The following RARB variants were observed in gnomAD, a reference collection of about 807,000 sequenced individuals.
The protein encoded by RARB is HBV-activated protein.
A neutral mutation model predicts 51.9 loss-of-function variants in RARB; 17 were observed. That is an observed-to-expected ratio of 0.33 (90% CI 0.22 to 0.49). The LOEUF is 0.49. RARB is among the 20% of genes least tolerant of loss of function. The pLI is 0.99. For missense variants in RARB, 369 were observed against 550.8 expected, an observed-to-expected ratio of 0.67 and a Z score of 3.30; for synonymous variants, 215 against 195.4, an observed-to-expected ratio of 1.10 and a Z score of -0.84.
intron 2 of RARB, among the ~76,000 whole-genome samples, chr3:24,981,265 C>CT (rs936477618): frequency 3.9e-5 from 6 of 152,346 alleles, no homozygotes; most frequent in African/African-American, 1.4e-4. Flanking sequence ...CTTCATGGAT[C>CT]TTGAACGCCA....
At chr3:24,923,744 C>T (rs778751477) in intron 2 of RARB, among the ~76,000 whole-genome samples, 10 of 152,068 alleles carry the variant, frequency 6.6e-5, no homozygotes, top group Admixed American at 4.6e-4. Context: ...CATAAACGGG[C>T]CTGAGCAAAC....
chr3:25,476,021 G>A (rs1310751923), intron 2 of RARB, among the ~76,000 whole-genome samples: 2 of 152,174 alleles, frequency 1.3e-5, no homozygotes, highest in Non-Finnish European at 2.9e-5. Context: ...GACTGATGGA[G>A]TCACCTCCAT....
intron 2 of RARB, among the ~76,000 whole-genome samples, chr3:24,929,051 T>C (rs1390451610): frequency 6.6e-6 from 1 of 152,058 alleles, no homozygotes; most frequent in African/African-American, 2.4e-5. Flanking sequence ...TTTAAAAAGC[T>C]TTAGAAAAGA....
rs1575221387 is a variant in RARB at position 25,208,663 on chromosome 3, C to G, written c.178+34088C>G. Among the ~76,000 whole-genome samples the G allele has an allele frequency of 2.0e-5, 3 of 152,238 alleles. No homozygotes were observed. The South Asian group carries it at 6.2e-4, about 32-fold the overall frequency. On this transcript the variant is annotated intron_variant, in intron 5 of 11. Transcript: ENST00000383772. ...ACTGCACCATACATTTGGCCCAGCC[C>G]TCTGACCTGACAATGCTGTCTCCTT... is the stretch of plus-strand genomic sequence containing the variant.
At chr3:25,171,431 G>T (rs1324581949) in intron 4 of RARB, among the ~76,000 whole-genome samples, 1 of 112,178 alleles carries the variant, frequency 8.9e-6, no homozygotes, top group African/African-American at 3.5e-5. Context: ...GGATTTTCTC[G>T]ACACATTGAT....
At chr3:25,157,339 AGTGT>A (rs1279406713) in intron 4 of RARB, among the ~76,000 whole-genome samples, 1 of 105,500 alleles carries the variant, frequency 9.5e-6, no homozygotes, top group African/African-American at 4.0e-5. Flanking sequence ...CACAGTTCTG[AGTGT>A]GTGTGTTTGT....
intron 2 of RARB, among the ~76,000 whole-genome samples, chr3:25,021,465 A>C (rs59538143): frequency 0.073 from 11,100 of 152,206 alleles, 503 homozygotes; most frequent in Non-Finnish European, 0.1. Flanking sequence ...AACTCACCAG[A>C]ACAACATCCC....
chr3:25,258,476 C>G (rs1272530300), intron 5 of RARB, among the ~76,000 whole-genome samples: 1 of 152,090 alleles, frequency 6.6e-6, no homozygotes, highest in Non-Finnish European at 1.5e-5. Context: ...ATAACATGAT[C>G]TAGCAAGGGT....
intron 5 of RARB, among the ~76,000 whole-genome samples, chr3:25,334,773 G>A (rs147381670): frequency 2.6e-4 from 39 of 152,318 alleles, no homozygotes; most frequent in Admixed American, 2.2e-3. Flanking sequence ...GAGAGTTCAT[G>A]TGTGTTGGGA....
chr3:25,068,600 C>T (rs1283216843), intron 3 of RARB, among the ~76,000 whole-genome samples: 1 of 152,062 alleles, frequency 6.6e-6, no homozygotes, highest in Admixed American at 6.5e-5. Context: ...TTAGCTAGTG[C>T]TTTCTTCTAC....
intron 5 of RARB, among the ~76,000 whole-genome samples, chr3:25,415,945 G>A (rs1159751105): frequency 6.6e-6 from 1 of 152,170 alleles, no homozygotes; most frequent in African/African-American, 2.4e-5. Flanking sequence ...GTAGATACAT[G>A]CCAGGTAGGG....
intron 5 of RARB, chr3:25,174,684 G>T: frequency 9.5e-7 from 1 of 1,048,582 alleles, no homozygotes; most frequent in South Asian, 1.5e-5. Flanking sequence ...ATTGGGTGCT[G>T]GTTTCTTTTG....
At chr3:25,205,091 C>T (rs1169418538) in intron 5 of RARB, among the ~76,000 whole-genome samples, 1 of 152,194 alleles carries the variant, frequency 6.6e-6, no homozygotes, top group Non-Finnish European at 1.5e-5. Flanking sequence ...AGCTTCCTGG[C>T]TGCTTTGGTT....
chr3:25,355,609 A>G (rs556878903), intron 5 of RARB, among the ~76,000 whole-genome samples: 2 of 152,238 alleles, frequency 1.3e-5, no homozygotes, highest in South Asian at 2.1e-4. Context: ...TATTCTATAG[A>G]TGGCACTTGC....
chr3:24,882,459 A>C (rs953153488), intron 2 of RARB, among the ~76,000 whole-genome samples: 1 of 152,228 alleles, frequency 6.6e-6, no homozygotes, highest in Non-Finnish European at 1.5e-5. Context: ...GTGACACACA[A>C]ATGCTATATC....
intron 5 of RARB, among the ~76,000 whole-genome samples, chr3:25,188,764 T>C (rs370503055): frequency 6.6e-6 from 1 of 150,722 alleles, no homozygotes; most frequent in African/African-American, 2.4e-5. Context: ...CAATAGATAA[T>C]ATGAGGTATT....
chr3:24,878,030 C>T (rs115270783), intron 2 of RARB, among the ~76,000 whole-genome samples: 3,719 of 152,224 alleles, frequency 0.024, 83 homozygotes, highest in Middle Eastern at 0.065. Flanking sequence ...AAGTACTACA[C>T]GTGCAAGGTT....
chr3:24,981,546 G>T (rs998400437), intron 2 of RARB, among the ~76,000 whole-genome samples: 1 of 152,164 alleles, frequency 6.6e-6, no homozygotes, highest in African/African-American at 2.4e-5. Flanking sequence ...CCAGACTGCT[G>T]CGTTAGCAGA....
intron 3 of RARB, among the ~76,000 whole-genome samples, chr3:25,129,187 A>C (rs546707272): frequency 2.6e-5 from 4 of 152,246 alleles, no homozygotes; most frequent in African/African-American, 9.6e-5. Flanking sequence ...TTGAAGCAGA[A>C]GACAAGTCTA....
Sources: gnomAD v4.1 joint callset for allele counts (sites outside exome capture counted in the v4.1 genomes callset) on GRCh38, gnomAD v4.1.1 for gene constraint, MANE v1.5 for transcripts, NCBI Gene and HGNC (gene_info 2026-07-23, HGNC 2026-07-21) for gene names.